The following TSC22D3 variants were observed in gnomAD, a reference collection of about 807,000 sequenced individuals.
The protein encoded by TSC22D3 is TSC22 domain family member 3.
Under a neutral mutation model 11.1 loss-of-function variants are expected in TSC22D3, and 4 were observed. That is an observed-to-expected ratio of 0.36 (90% confidence interval 0.18 to 0.83). The LOEUF (loss-of-function observed/expected upper bound fraction) is 0.83. Among genes scored for constraint, TSC22D3 ranks in the 40% least tolerant of loss-of-function variants. TSC22D3 has a pLI of 0.48. For missense variants in TSC22D3, 118 were observed against 159.4 expected, an observed-to-expected ratio of 0.74 and a Z score of 1.40; for synonymous variants, 77 against 70.3, an observed-to-expected ratio of 1.10 and a Z score of -0.48.
chrX:107,734,718 G>C (rs1409308971), intron 1 of TSC22D3, among the ~76,000 whole-genome samples: 4 of 110,216 alleles, frequency 3.6e-5, no homozygotes, highest in Non-Finnish European at 5.7e-5. Context: ...GAAGTGGCAG[G>C]TTGGCAAGAA....
At chrX:107,772,337 A>G (rs1929939823) in intron 1 of TSC22D3, among the ~76,000 whole-genome samples, 1 of 111,957 alleles carries the variant, frequency 8.9e-6, no homozygotes, top group Non-Finnish European at 1.9e-5. Flanking sequence ...ATTAAATTGA[A>G]TAGAAGTAAA....
At chrX:107,774,147 A>C (rs1930026588) in intron 1 of TSC22D3, among the ~76,000 whole-genome samples, 1 of 111,774 alleles carries the variant, frequency 8.9e-6, no homozygotes, top group African/African-American at 3.3e-5. Context: ...ATACACTCAC[A>C]CACACATGTT....
intron 1 of TSC22D3, among the ~76,000 whole-genome samples, chrX:107,757,398 A>T (rs1245287906): frequency 8.9e-6 from 1 of 111,732 alleles, no homozygotes; most frequent in Non-Finnish European, 1.9e-5. Flanking sequence ...AGCTCCACCC[A>T]CCCAGCCCAC....
chrX:107,730,128 C>T (rs979173569), intron 1 of TSC22D3, among the ~76,000 whole-genome samples: 3 of 112,190 alleles, frequency 2.7e-5, no homozygotes, highest in African/African-American at 6.5e-5. Context: ...ATCTTGTCAA[C>T]GCTGTTAGGA....
intron 1 of TSC22D3, chrX:107,716,377 G>A (rs921303709): frequency 1.6e-5 from 15 of 914,736 alleles, no homozygotes; most frequent in South Asian, 4.1e-5. Context: ...TCTCCCAAGC[G>A]GCGCACGGCG....
rs940793864 is a variant in TSC22D3 at position 107,720,624 on chromosome X, C to A, written c.321-4674G>T. Among the ~76,000 whole-genome samples the A allele has an allele frequency of 2.7e-5, 3 of 111,114 alleles. No homozygotes were observed. The East Asian group carries it at 8.4e-4, about 31-fold the overall frequency. On this transcript the variant is annotated intron_variant, in intron 1 of 2. Coordinates refer to ENST00000372383, the MANE Select transcript of TSC22D3 (RefSeq NM_198057.3). ...AGAAGAATCACTTGAACCCGCGAGG[C>A]GGAGGTTGCAGTGAGCCGAGATCGT...
chrX:107,731,406 A>T (rs1000417742), intron 1 of TSC22D3, among the ~76,000 whole-genome samples: 13 of 112,067 alleles, frequency 1.2e-4, no homozygotes, highest in African/African-American at 4.2e-4. Flanking sequence ...AAAGTTCCAG[A>T]ACCATTCTGG....
chrX:107,754,363 G>A (rs182884426), intron 1 of TSC22D3, among the ~76,000 whole-genome samples: 143 of 111,773 alleles, frequency 1.3e-3, no homozygotes, highest in African/African-American at 4.5e-3. Context: ...TTGTGAGTGG[G>A]TAATTTATTT....
chrX:107,765,080 A>G (rs1036287778), intron 1 of TSC22D3, among the ~76,000 whole-genome samples: 3 of 111,580 alleles, frequency 2.7e-5, no homozygotes, highest in African/African-American at 9.8e-5. Flanking sequence ...AAGTGTCCCC[A>G]CACCAGGCCA....
At chrX:107,716,245 T>C in intron 1 of TSC22D3, 1 of 929,113 alleles carries the variant, frequency 1.1e-6, no homozygotes, top group Non-Finnish European at 1.4e-6. Context: ...TCGGGCAATA[T>C]GCAAACAATG....
At chrX:107,743,349 C>T (rs997276668) in intron 1 of TSC22D3, among the ~76,000 whole-genome samples, 10 of 112,161 alleles carry the variant, frequency 8.9e-5, no homozygotes, top group Admixed American at 4.7e-4. Context: ...GCCAGAAGGG[C>T]GATCATCTAG....
chrX:107,722,751 C>T (rs1483971047), intron 1 of TSC22D3, among the ~76,000 whole-genome samples: 1 of 111,406 alleles, frequency 9.0e-6, no homozygotes, highest in Non-Finnish European at 1.9e-5. Context: ...AATAGATATA[C>T]CTGAAAAAGG....
chrX:107,762,501 A>C (rs773836495), intron 1 of TSC22D3, among the ~76,000 whole-genome samples: 5 of 111,678 alleles, frequency 4.5e-5, no homozygotes, highest in Non-Finnish European at 9.4e-5. Flanking sequence ...TCTTATAAGC[A>C]CCTGGTCCTG....
chrX:107,721,531 T>C (rs1295662594), intron 1 of TSC22D3, among the ~76,000 whole-genome samples: 2 of 111,847 alleles, frequency 1.8e-5, no homozygotes, highest in Non-Finnish European at 3.8e-5. Flanking sequence ...CTTGAAGCAC[T>C]GTGTACCACA....
At chrX:107,763,794 A>G (rs1929547877) in intron 1 of TSC22D3, among the ~76,000 whole-genome samples, 1 of 112,329 alleles carries the variant, frequency 8.9e-6, no homozygotes, top group Admixed American at 9.4e-5. Context: ...GCTAGCCTTT[A>G]CACATTTCCT....
At chrX:107,743,039 C>T (rs1041772015) in intron 1 of TSC22D3, among the ~76,000 whole-genome samples, 3 of 112,128 alleles carry the variant, frequency 2.7e-5, no homozygotes, top group Non-Finnish European at 5.7e-5. Context: ...AGCGACAGAA[C>T]TTCCCCCTGC....
At chrX:107,724,165 C>CACCA (rs370296221) in intron 1 of TSC22D3, among the ~76,000 whole-genome samples, 12 of 112,851 alleles carry the variant, frequency 1.1e-4, no homozygotes, top group African/African-American at 3.5e-4. Context: ...CTCCAGTCAT[C>CACCA]ACCAACCGCT....
At chrX:107,767,025 G>A (rs1164680970) in intron 1 of TSC22D3, among the ~76,000 whole-genome samples, 1 of 110,931 alleles carries the variant, frequency 9.0e-6, no homozygotes, top group African/African-American at 3.3e-5. Context: ...GGAAGGAGCT[G>A]CTGGAGTCGC....
intron 2 of TSC22D3, 101 bp downstream of exon 2, chrX:107,715,798 T>G: frequency 1.9e-6 from 2 of 1,049,924 alleles, no homozygotes; most frequent in Non-Finnish European, 2.7e-6. Context: ...TTCCTCAGGG[T>G]TTTGGCTAAG....
Sources: allele counts gnomAD v4.1 joint callset (sites outside exome capture counted in the v4.1 genomes callset), GRCh38; gene constraint gnomAD v4.1.1; transcripts MANE v1.5; gene names NCBI Gene and HGNC (gene_info 2026-07-23, HGNC 2026-07-21).